Variants in SENP7 observed in about 807,000 individuals in gnomAD.
SENP7 encodes sentrin-specific protease 7.
Under a neutral mutation model 141.2 loss-of-function variants are expected in SENP7, and 64 were observed. The observed-to-expected ratio is 0.45, with a 90% CI of 0.37 to 0.56. The LOEUF is 0.56. Ranked by LOEUF, SENP7 falls within the 20% of genes least tolerant of loss-of-function variation. The pLI, the probability that SENP7 is intolerant of heterozygous loss-of-function variation, is 0.00. For missense variants in SENP7, 1,025 were observed against 1,212.2 expected (o/e 0.85, Z 2.29); for synonymous variants, 382 against 426.4 (o/e 0.90, Z 1.28).
At chr3:101,434,532 C>A (rs1451834112) in intron 4 of SENP7, among the ~76,000 whole-genome samples, 1 of 151,298 alleles carries the variant, frequency 6.6e-6, no homozygotes, top group Non-Finnish European at 1.5e-5. Context: ...CTTTAGCCAA[C>A]CTAAAGAAAA....
chr3:101,507,864 C>A (rs2065686274), intron 1 of SENP7, among the ~76,000 whole-genome samples: 1 of 151,854 alleles, frequency 6.6e-6, no homozygotes, highest in South Asian at 2.1e-4. Context: ...TCCTAGCCAA[C>A]ATGGTGAAAC....
intron 3 of SENP7, among the ~76,000 whole-genome samples, chr3:101,472,762 T>C (rs1158790358): frequency 6.6e-6 from 1 of 152,190 alleles, no homozygotes; most frequent in Non-Finnish European, 1.5e-5. Context: ...TAAGTCCTTT[T>C]TTTAAAACTT....
intron 3 of SENP7, among the ~76,000 whole-genome samples, chr3:101,480,332 CA>C (rs1438673738): frequency 6.6e-6 from 1 of 152,040 alleles, no homozygotes; most frequent in Non-Finnish European, 1.5e-5. Flanking sequence ...ACCCACAGAG[CA>C]ATGGAACAGA....
Position 101,402,441 on chromosome 3 carries a change from T to C in SENP7, c.483-3386A>G, listed in dbSNP as rs569374297. Among the ~76,000 whole-genome samples, 7 of 151,990 alleles carry C rather than the reference T, an allele frequency of 4.6e-5. No homozygotes were observed. The South Asian group carries it at 6.3e-4, about 14-fold the overall frequency. ...GAGTTCGAGACCAGCCTGGCCAACA[T>C]GGTGAAACCCCACCTCTACTAAAAA... On this transcript the variant is annotated intron_variant, in intron 5 of 23. Coordinates refer to ENST00000394095, the MANE Select transcript of SENP7 (RefSeq NM_020654.5).
In SENP7 at chr3:101,429,110, G is replaced by A. The variant is rs532206374; in HGVS notation, c.285-11320C>T. ...TTACTGTAGCCTTGTAGTATAGTTT[G>A]AAGTCAGGTAGCATGATGCCTCCAG... On this transcript the variant is annotated intron_variant, in intron 4 of 23. Transcript: ENST00000394095. Among the ~76,000 whole-genome samples, 22 of 152,306 alleles carry A rather than the reference G, an allele frequency of 1.4e-4. No homozygotes were observed. The East Asian group carries it at 3.7e-3, about 25-fold the overall frequency.
At chr3:101,335,373 C>A (rs184919684) in intron 17 of SENP7, among the ~76,000 whole-genome samples, 3 of 152,136 alleles carry the variant, frequency 2.0e-5, no homozygotes, top group African/African-American at 4.8e-5. Context: ...AAATTCATAT[C>A]TCTTGCTGCT....
At chr3:101,333,011 C>A in intron 17 of SENP7, 149 bp from the exon 18 acceptor site, 1 of 700,388 alleles carries the variant, frequency 1.4e-6, no homozygotes, top group Non-Finnish European at 2.2e-6. Flanking sequence ...ATAAATATAT[C>A]TCCTTATAGT....
chr3:101,429,473 C>T (rs2062080670), intron 4 of SENP7, among the ~76,000 whole-genome samples: 1 of 152,132 alleles, frequency 6.6e-6, no homozygotes, highest in Non-Finnish European at 1.5e-5. Flanking sequence ...TGGGAATTCA[C>T]TCATGATTTG....
chr3:101,412,672 G>A (rs942528753), intron 5 of SENP7, among the ~76,000 whole-genome samples: 1 of 152,008 alleles, frequency 6.6e-6, no homozygotes, highest in South Asian at 2.1e-4. Context: ...TTTCTCTAAC[G>A]ATCTCTGGTA....
At chr3:101,355,648 G>A (rs945819926) in intron 11 of SENP7, among the ~76,000 whole-genome samples, 8 of 152,110 alleles carry the variant, frequency 5.3e-5, no homozygotes, top group African/African-American at 1.9e-4. Context: ...GTAACATGAT[G>A]CCTCCAGCTT....
intron 1 of SENP7, among the ~76,000 whole-genome samples, chr3:101,504,924 T>C (rs1157657773): frequency 6.6e-6 from 1 of 151,518 alleles, no homozygotes; most frequent in African/African-American, 2.4e-5. Flanking sequence ...GAGGCTGAGG[T>C]GGGAAAATCG....
At chr3:101,474,580 CT>C (rs1364397898) in intron 3 of SENP7, among the ~76,000 whole-genome samples, 1 of 152,078 alleles carries the variant, frequency 6.6e-6, no homozygotes, top group Non-Finnish European at 1.5e-5. Flanking sequence ...AGCCTTTGGG[CT>C]GAGAATATGG....
chr3:101,367,915 A>G lies in SENP7; in HGVS notation c.893T>C (p.Ile298Thr). 6.2e-7 allele frequency: 1 copy of G among 1,609,362 alleles called. No individual in the cohort carries two copies. Among genetic ancestry groups the G allele is most frequent in the Non-Finnish European group, 8.5e-7 (1 of 1,175,976 alleles). ...AAGCCTTCTCTTTGTCTTCCTGGAA[A>G]TCAGAGTGAGTTCCACTTTTGAATC... ...YSDSKVELTL[I>T]SRKTKRRLRN... The change falls in exon 8 of 24, where the codon ATT becomes ACT. Residue 298 changes from isoleucine to threonine, a missense_variant. By Grantham distance (89) the Ile-to-Thr change is moderately conservative (BLOSUM62 -1). Coordinates refer to ENST00000394095, the MANE Select transcript of SENP7 (RefSeq NM_020654.5).
chr3:101,326,691 G>A (rs1240766110), intron 23 of SENP7, among the ~76,000 whole-genome samples: 3 of 152,106 alleles, frequency 2.0e-5, no homozygotes. Context: ...GTTTGTCATT[G>A]TACTTCTCCA....
intron 6 of SENP7, among the ~76,000 whole-genome samples, chr3:101,372,468 C>T (rs1050534343): frequency 6.6e-6 from 1 of 152,028 alleles, no homozygotes; most frequent in Admixed American, 6.6e-5. Context: ...AATAATTAAA[C>T]CTATGTATAG....
chr3:101,412,901 A>G (rs1277267778), intron 5 of SENP7, among the ~76,000 whole-genome samples: 1 of 152,140 alleles, frequency 6.6e-6, no homozygotes, highest in East Asian at 1.9e-4. Flanking sequence ...TGCTAGTTTG[A>G]TATTTCTAAA....
chr3:101,332,948 A>T, intron 17 of SENP7, 86 bp from the exon 18 acceptor site: 1 of 1,308,362 alleles, frequency 7.6e-7, no homozygotes, highest in South Asian at 1.5e-5. Flanking sequence ...ATATTGAAAT[A>T]TCTTAAATTT....
intron 17 of SENP7, among the ~76,000 whole-genome samples, chr3:101,335,769 TAAAAC>T (rs2059168383): frequency 1.3e-5 from 2 of 152,190 alleles, no homozygotes; most frequent in African/African-American, 2.4e-5. Flanking sequence ...TCTGTATACA[TAAAAC>T]AGAACAGGAG....
At chr3:101,417,818 T>C (rs772327617) in intron 4 of SENP7, 28 bp from the exon 5 acceptor site, 26 of 1,509,614 alleles carry the variant, frequency 1.7e-5, no homozygotes, top group Non-Finnish European at 2.4e-5. Flanking sequence ...AATTAGTATA[T>C]ATGGTACTAC....
Sources: allele counts gnomAD v4.1 joint callset (sites outside exome capture counted in the v4.1 genomes callset), GRCh38; gene constraint gnomAD v4.1.1; transcripts MANE v1.5; gene names NCBI Gene and HGNC (gene_info 2026-07-23, HGNC 2026-07-21).